The following PCDHGA6 variants were observed in gnomAD, a reference collection of about 807,000 sequenced individuals.
The protein encoded by PCDHGA6 is protocadherin gamma-A6.
PCDHGA6 carries 41 observed loss-of-function variants against 60.6 expected under a neutral mutation model. The ratio of observed to expected loss-of-function variants is 0.68; its 90% CI spans 0.53 to 0.88. The LOEUF (loss-of-function observed/expected upper bound fraction) is 0.88. Among genes scored for constraint, PCDHGA6 ranks in the 40% least tolerant of loss-of-function variants. The pLI is 0.00. For synonymous variants in PCDHGA6, 594 were observed against 524.4 expected (o/e 1.13, Z -1.81); for missense variants, 1,312 against 1,203.0 (o/e 1.09, Z -1.34).
rs112156044 is a variant in PCDHGA6, at chr5:141,476,771, G to A, written c.2425-18036G>A. The A allele has an allele frequency of 6.2e-7, 1 of 1,613,700 alleles. No homozygotes were observed. The highest frequency in any genetic ancestry group is 1.3e-5 in the African/African-American group (1 of 75,036). On this transcript the variant is annotated intron_variant, in intron 1 of 3. Coordinates refer to ENST00000517434, the MANE Select transcript of PCDHGA6 (RefSeq NM_018919.3). The surrounding 1 kb of genome is among the most constrained non-coding windows in gnomAD (Gnocchi z 7.6). ...CCAGTTAGTGCTGACGGCGTTGGAC[G>A]GAGGGACCCCAGCTCTCTCCGCCAG...
intron 1 of PCDHGA6, chr5:141,416,446 G>A (rs192789193): frequency 8.5e-5 from 13 of 152,284 alleles, no homozygotes; most frequent in East Asian, 5.8e-4. Context: ...GTAAATATGG[G>A]TTGGGAAGAC....
At position 141,383,914 on chromosome 5, in the gene PCDHGA6, G is replaced by T. The variant is rs1167823249; in HGVS notation, c.2424+7407G>T. ...GGCAAAAGTACTGATCACAGTTTTA[G>T]ATGTAAATGATAATGCTCCAGAAGT... On this transcript the variant is annotated intron_variant, in intron 1 of 3. Transcript: ENST00000517434. The T allele has an allele frequency of 6.2e-7, 1 of 1,613,958 alleles. No individual in the cohort carries two copies. Among genetic ancestry groups the T allele is most frequent in the Admixed American group, 1.7e-5 (1 of 60,022 alleles).
intron 1 of PCDHGA6, chr5:141,400,114 A>G: frequency 6.2e-7 from 1 of 1,614,074 alleles, no homozygotes; most frequent in Admixed American, 1.7e-5. Context: ...CTTTGCTGAC[A>G]GCTTGCAGGA....
chr5:141,394,433 G>A lies in PCDHGA6; in HGVS notation c.2424+17926G>A, dbSNP rs1180818373. ...TAACAGCCAGCGACAGCGGGGACCC[G>A]CCCCTCAGCAGCAACATGTCACTGA... On this transcript the variant is annotated intron_variant, in intron 1 of 3. Coordinates refer to ENST00000517434, the MANE Select transcript of PCDHGA6 (RefSeq NM_018919.3). 3.7e-6 allele frequency: 6 copies of A among 1,614,088 alleles called. No homozygotes were observed. The East Asian group carries it at 8.9e-5, about 24-fold the overall frequency.
chr5:141,384,450 G>T (rs756281053), intron 1 of PCDHGA6: 1 of 1,614,042 alleles, frequency 6.2e-7, no homozygotes, highest in South Asian at 1.1e-5. Context: ...TGTACGCGCT[G>T]CAATCCTTTG....
chr5:141,422,938 G>A (rs1226350240), intron 1 of PCDHGA6: 2 of 1,614,116 alleles, frequency 1.2e-6, no homozygotes, highest in Non-Finnish European at 1.7e-6. Flanking sequence ...CCTCCCCACA[G>A]ACGGCTCCAC....
At chr5:141,424,772 G>A (rs2096839878) in intron 1 of PCDHGA6, 1 of 152,086 alleles carries the variant, frequency 6.6e-6, no homozygotes, top group Non-Finnish European at 1.5e-5. Flanking sequence ...ATGGCAAATA[G>A]TACATTCAGT....
At chr5:141,389,080 C>T (rs762866893) in intron 1 of PCDHGA6, 8 of 1,613,866 alleles carry the variant, frequency 5.0e-6, no homozygotes, top group African/African-American at 2.7e-5. Flanking sequence ...TCAAGAAACA[C>T]GTATAAATTA....
chr5:141,458,421 G>T (rs1294502132), intron 1 of PCDHGA6, among the ~76,000 whole-genome samples: 1 of 152,114 alleles, frequency 6.6e-6, no homozygotes, highest in African/African-American at 2.4e-5. Context: ...GGGTTCCAAA[G>T]CTGAAAGAGG....
At chr5:141,438,595 T>C (rs11949887) in intron 1 of PCDHGA6, among the ~76,000 whole-genome samples, 1,254 of 57,838 alleles carry the variant, frequency 0.022, 9 homozygotes, top group Non-Finnish European at 0.023. Flanking sequence ...TACATACATA[T>C]ATATATATAT....
At chr5:141,408,051 C>A in intron 1 of PCDHGA6, 3 of 1,264,368 alleles carry the variant, frequency 2.4e-6, no homozygotes, top group Non-Finnish European at 3.2e-6. Context: ...CCACACAGAG[C>A]CTCCCGGCTG....
chr5:141,428,154 T>C, intron 1 of PCDHGA6: 2 of 1,578,924 alleles, frequency 1.3e-6, no homozygotes, highest in Non-Finnish European at 1.7e-6. Flanking sequence ...CACGGGAACC[T>C]GCTGGTTGCT....
At chr5:141,496,080 C>G (rs2099765822) in intron 2 of PCDHGA6, among the ~76,000 whole-genome samples, 2 of 152,150 alleles carry the variant, frequency 1.3e-5, no homozygotes, top group East Asian at 1.9e-4. Context: ...ACACAACCCC[C>G]CACCCACCAC....
At chr5:141,401,726 A>T (rs943909540) in intron 1 of PCDHGA6, among the ~76,000 whole-genome samples, 1 of 152,186 alleles carries the variant, frequency 6.6e-6, no homozygotes, top group African/African-American at 2.4e-5. Context: ...AAAAACTACT[A>T]GTCTTGTGTA....
chr5:141,389,581 G>C, intron 1 of PCDHGA6: 1 of 1,613,202 alleles, frequency 6.2e-7, no homozygotes, highest in East Asian at 2.2e-5. Context: ...CCCGCGCTGG[G>C]TCCCGACGGC....
intron 1 of PCDHGA6, chr5:141,390,019 G>T (rs1047341984): frequency 1.9e-6 from 3 of 1,614,002 alleles, no homozygotes; most frequent in Non-Finnish European, 2.5e-6. Flanking sequence ...ATTGCCTTGC[G>T]CCTGCGACGC....
chr5:141,408,043 A>G, intron 1 of PCDHGA6: 1 of 1,220,238 alleles, frequency 8.2e-7, no homozygotes, highest in Non-Finnish European at 1.1e-6. Context: ...ACCAGCTCCC[A>G]CACAGAGCCT....
chr5:141,436,519 C>A (rs770168763), intron 1 of PCDHGA6, among the ~76,000 whole-genome samples: 2 of 152,140 alleles, frequency 1.3e-5, no homozygotes, highest in African/African-American at 2.4e-5. Context: ...TTAACTGTGT[C>A]ACCTTTAGCA....
intron 1 of PCDHGA6, among the ~76,000 whole-genome samples, chr5:141,473,990 G>A (rs988540565): frequency 2.0e-5 from 3 of 152,130 alleles, no homozygotes; most frequent in African/African-American, 7.2e-5. Flanking sequence ...GATCCCTTGA[G>A]CCCAAGGAGC....
Sources: allele counts gnomAD v4.1 joint callset (sites outside exome capture counted in the v4.1 genomes callset), GRCh38; gene constraint gnomAD v4.1.1; non-coding constraint Gnocchi (gnomAD v3.1); transcripts MANE v1.5; gene names NCBI Gene and HGNC (gene_info 2026-07-23, HGNC 2026-07-21).